RAPGEFL1: variants seen among roughly 807,000 people sequenced by gnomAD.
RAPGEFL1 encodes the protein rap guanine nucleotide exchange factor-like 1.
Under a neutral mutation model 64.4 loss-of-function variants are expected in RAPGEFL1, and 31 were observed. That is an observed-to-expected ratio of 0.48 (90% CI 0.36 to 0.65). The LOEUF is 0.65. Ranked by LOEUF, RAPGEFL1 falls within the 30% of genes least tolerant of loss-of-function variation. The pLI is 0.00. For synonymous variants in RAPGEFL1, 331 were observed against 274.1 expected, an observed-to-expected ratio of 1.21 and a Z score of -2.05; for missense variants, 682 against 677.4, an observed-to-expected ratio of 1.01 and a Z score of -0.08.
rs1989749072 is a variant in RAPGEFL1 at position 40,177,584 on chromosome 17, G to A, written c.-278G>A. Reference sequence around the variant, plus strand: ...GCCGCAGCGCAGAGCCGGGCGCACCGGCCCCGCAGCCTGCCCACTCTTCGG... The same window carrying A: ...GCCGCAGCGCAGAGCCGGGCGCACCAGCCCCGCAGCCTGCCCACTCTTCGG... On this transcript the variant is annotated 5_prime_UTR_variant, in exon 1 of 15. Coordinates refer to ENST00000620260, the MANE Select transcript of RAPGEFL1 (RefSeq NM_016339.6). The A allele has an allele frequency of 7.5e-6, 3 of 397,822 alleles. No individual in the cohort carries two copies. The highest frequency in any genetic ancestry group is 1.3e-5 in the Non-Finnish European group (3 of 229,216). 24.6% of individuals were successfully genotyped at this position (397,822 alleles called of 1,614,324 possible).
At chr17:40,180,771 T>C (rs1989870307) in intron 1 of RAPGEFL1, among the ~76,000 whole-genome samples, 1 of 152,222 alleles carries the variant, frequency 6.6e-6, no homozygotes, top group African/African-American at 2.4e-5. Flanking sequence ...CCACAGGAGA[T>C]AGTGAACCAA....
At position 40,178,085 on chromosome 17, in the gene RAPGEFL1, C is replaced by T; in HGVS notation, c.224C>T (p.Pro75Leu). ...TTCCTCCGGGAGCCCCCCGCCGAGC[C>T]GGGGCTGGAGCCGCCCCCTGAGGAG... ...PAFLREPPAE[P>L]GLEPPPEEEG... The change falls in exon 1 of 15, where the codon CCG becomes CTG. Residue 75 changes from proline (P) to leucine (L), a missense_variant. Transcript: ENST00000620260. 1.7e-6 allele frequency: 1 copy of T among 602,406 alleles called. No individual in the cohort carries two copies. The allele number at this position is 602,406 out of a possible 1,614,324, so 37.3% of individuals were successfully genotyped here.
At chr17:40,184,126 G>C in intron 2 of RAPGEFL1, 88 bp from the exon 3 acceptor site, 1 of 990,416 alleles carries the variant, frequency 1.0e-6, no homozygotes. Context: ...TTATAGGCGT[G>C]AGCCACTGCG....
chr17:40,185,519 CAAAAA>C (rs1012933421), intron 4 of RAPGEFL1, among the ~76,000 whole-genome samples: 1 of 36,248 alleles, frequency 2.8e-5, no homozygotes. Flanking sequence ...GTCTCCACTA[CAAAAA>C]AAAAAAAAAA....
rs567133418 is a variant in RAPGEFL1 at position 40,189,298 on chromosome 17, C to T, written c.1037C>T (p.Thr346Met). 1.1e-5 allele frequency: 18 copies of T among 1,614,110 alleles called. No homozygotes were observed. Among genetic ancestry groups the T allele is most frequent in the South Asian group, 3.3e-5 (3 of 91,076 alleles). The change falls in exon 6 of 15, where the codon ACG becomes ATG. Residue 346 changes from threonine (T) to methionine (M), a missense_variant. Physicochemically the swap from Thr to Met is moderately conservative, Grantham distance 81 (BLOSUM62 -1). Around this residue, in one of 2 missense-constraint regions of RAPGEFL1, gnomAD observed 411 missense variants for 519.4 expected, o/e 0.79. Transcript: ENST00000620260. ...GTGCAGGACATTCTGGGCTCTGTGACGGAGAAACTTCAATATTCAGAGGAG... is the reference window on the plus strand; with the variant it reads ...GTGCAGGACATTCTGGGCTCTGTGATGGAGAAACTTCAATATTCAGAGGAG... ...ASVQDILGSV[T>M]EKLQYSEEPA...
At chr17:40,183,282 C>T (rs533001568) in intron 2 of RAPGEFL1, among the ~76,000 whole-genome samples, 1 of 152,154 alleles carries the variant, frequency 6.6e-6, no homozygotes, top group African/African-American at 2.4e-5. Flanking sequence ...AGGCCCTGGG[C>T]TGGTCAGAGG....
chr17:40,191,790 G>A lies in RAPGEFL1; in HGVS notation c.1605+118G>A. On this transcript the variant is annotated intron_variant, in intron 10 of 14. Transcript: ENST00000620260. The surrounding 1 kb of genome is among the most constrained non-coding windows in gnomAD (Gnocchi z 5.1). ...GTCTTTGCGCCAGTTGGAGGGAGGC[G>A]CCCTCTTCTGGCATACGCAACCCCA... is the stretch of plus-strand genomic sequence containing the variant. The A allele has an allele frequency of 3.9e-6, 4 of 1,019,512 alleles. No homozygotes were observed. The highest frequency in any genetic ancestry group is 2.2e-5 in the Admixed American group (1 of 45,422). The allele number at this position is 1,019,512 out of a possible 1,614,324, so 63.2% of individuals were successfully genotyped here.
In RAPGEFL1 at chr17:40,191,182, C is replaced by G; in HGVS notation, c.1336-134C>G. ...GCATCTTTGCCGCCTCCTGTCCTTT[C>G]TATTTTTCTATTTTCCACCCCTTCC... On this transcript the variant is annotated intron_variant, in intron 8 of 14. Coordinates refer to ENST00000620260, the MANE Select transcript of RAPGEFL1 (RefSeq NM_016339.6). This position sits in a 1 kb window ranked among gnomAD's most constrained non-coding sequence, Gnocchi z 5.1. The G allele has an allele frequency of 1.3e-6, 1 of 776,584 alleles. No homozygotes were observed. The highest frequency in any genetic ancestry group is 2.0e-6 in the Non-Finnish European group (1 of 507,186). The allele number at this position is 776,584 out of a possible 1,614,324, so 48.1% of individuals were successfully genotyped here. A position where few individuals can be genotyped will look rare whatever the true frequency, so the allele number is the denominator to read the frequency against.
chr17:40,191,221 T>A lies in RAPGEFL1; in HGVS notation c.1336-95T>A. ...TCCACCCCTTCCGCCCCCGCCCTCCTGCCTTTCGCTCCTCATCGCCTTGCA... is the reference window on the plus strand; with the variant it reads ...TCCACCCCTTCCGCCCCCGCCCTCCAGCCTTTCGCTCCTCATCGCCTTGCA... On this transcript the variant is annotated intron_variant, in intron 8 of 14. Transcript: ENST00000620260. This position sits in a 1 kb window ranked among gnomAD's most constrained non-coding sequence, Gnocchi z 5.1. The A allele has an allele frequency of 6.4e-5, 56 of 881,350 alleles. No individual in the cohort carries two copies. The highest frequency in any genetic ancestry group is 8.0e-5 in the Non-Finnish European group (50 of 628,676). 54.6% of individuals were successfully genotyped at this position (881,350 alleles called of 1,614,324 possible).
chr17:40,187,704 A>G (rs113416862), intron 4 of RAPGEFL1, among the ~76,000 whole-genome samples: 12,342 of 150,958 alleles, frequency 0.082, 1,209 homozygotes, highest in African/African-American at 0.23. Flanking sequence ...TCTACCTCCC[A>G]GGTTCACACC....
chr17:40,180,522 C>T (rs1989862437), intron 1 of RAPGEFL1, among the ~76,000 whole-genome samples: 2 of 152,094 alleles, frequency 1.3e-5, no homozygotes, highest in Admixed American at 6.6e-5. Flanking sequence ...TTACTCTGAA[C>T]CTACCAAAGC....
chr17:40,184,573 C>G lies in RAPGEFL1; in HGVS notation c.736-8C>G, dbSNP rs766633563. On this transcript the variant is annotated splice_polypyrimidine_tract_variant and splice_region_variant and intron_variant, in intron 3 of 14. Coordinates refer to ENST00000620260, the MANE Select transcript of RAPGEFL1 (RefSeq NM_016339.6). Reference sequence around the variant, plus strand: ...CTTCCTTCACCTTCTTTGTCCTCCTCTCTCCAGGATCTATACCTGCTAATT... The same window carrying G: ...CTTCCTTCACCTTCTTTGTCCTCCTGTCTCCAGGATCTATACCTGCTAATT... 18 of 1,494,012 alleles carry G rather than the reference C, an allele frequency of 1.2e-5. No homozygotes were observed. The highest frequency in any genetic ancestry group is 9.5e-5 in the South Asian group (8 of 84,344). 92.5% of individuals were successfully genotyped at this position (1,494,012 alleles called of 1,614,324 possible). A position where few individuals can be genotyped will look rare whatever the true frequency, so the allele number is the denominator to read the frequency against.
intron 1 of RAPGEFL1, among the ~76,000 whole-genome samples, chr17:40,179,865 G>T (rs879278067): frequency 1.3e-5 from 2 of 152,174 alleles, no homozygotes; most frequent in African/African-American, 4.8e-5. Context: ...CTCCTTTGGA[G>T]CAGGCTGTAG....
rs1441481615 is a variant in RAPGEFL1 at position 40,193,729 on chromosome 17, A to G, written c.1930A>G (p.Ile644Val). 1.2e-6 allele frequency: 2 copies of G among 1,614,086 alleles called. No homozygotes were observed. Among genetic ancestry groups the G allele is most frequent in the Non-Finnish European group, 8.5e-7 (1 of 1,180,006 alleles). ...TKAYVRQFQVIDNQNLLFELS... is the reference protein window; with the variant it reads ...TKAYVRQFQVVDNQNLLFELS... ...GGCCTATGTGCGCCAGTTTCAGGTC[A>G]TCGACAACCAGAACCTCCTCTTCGA... Residue 644 changes from isoleucine to valine, a missense_variant, in exon 15 of 15, where the codon ATC becomes GTC. Ile to Val is a conservative substitution (Grantham distance 29). Transcript: ENST00000620260.
intron 6 of RAPGEFL1, 151 bp downstream of exon 6, chr17:40,189,526 T>C: frequency 1.1e-6 from 1 of 878,896 alleles, no homozygotes; most frequent in Non-Finnish European, 1.7e-6. Context: ...GGGAACTTGT[T>C]AGGATGCAGC....
At chr17:40,184,546 C>T in intron 3 of RAPGEFL1, 35 bp from the exon 4 acceptor site, 2 of 1,349,144 alleles carry the variant, frequency 1.5e-6, no homozygotes, top group East Asian at 2.4e-5. Context: ...GGAATGAGAC[C>T]CCTTCCTTCA....
Position 40,194,205 on chromosome 17 carries a change from C to G in RAPGEFL1, c.*417C>G. 1 of 209,508 alleles carries G rather than the reference C, an allele frequency of 4.8e-6. No individual in the cohort carries two copies. Among genetic ancestry groups the G allele is most frequent in the Admixed American group, 5.3e-5 (1 of 18,782 alleles). The allele number at this position is 209,508 out of a possible 1,614,324, so 13.0% of individuals were successfully genotyped here. ...CTGTCCAGCTTCTTCCTGGTCAGGGCTGGGACCCCCAGGAATATTATGTTG... is the reference window on the plus strand; with the variant it reads ...CTGTCCAGCTTCTTCCTGGTCAGGGGTGGGACCCCCAGGAATATTATGTTG... On this transcript the variant is annotated 3_prime_UTR_variant, in exon 15 of 15. Coordinates refer to ENST00000620260, the MANE Select transcript of RAPGEFL1 (RefSeq NM_016339.6).
At chr17:40,188,761 G>C in intron 4 of RAPGEFL1, 105 bp from the exon 5 acceptor site, 1 of 841,018 alleles carries the variant, frequency 1.2e-6, no homozygotes, top group Admixed American at 1.9e-5. Context: ...TGCTGCTGGT[G>C]CATCCTTGAC....
chr17:40,178,490 G>A (rs1458763940), intron 1 of RAPGEFL1, 109 bp downstream of exon 1: 1 of 427,674 alleles, frequency 2.3e-6, no homozygotes, highest in Admixed American at 4.3e-5. Flanking sequence ...TTATAGGGTT[G>A]AGTGGTCCGC....
Sources: gnomAD v4.1 joint callset for allele counts (sites outside exome capture counted in the v4.1 genomes callset) on GRCh38, gnomAD v4.1.1 for gene constraint, gnomAD v4.1.1 regional missense constraint, Gnocchi (gnomAD v3.1) non-coding constraint, MANE v1.5 for transcripts, NCBI Gene and HGNC (gene_info 2026-07-23, HGNC 2026-07-21) for gene names.